CLYBL: variants seen among roughly 807,000 people sequenced by gnomAD.
CLYBL encodes citramalyl-CoA lyase, mitochondrial.
A neutral mutation model predicts 38.9 loss-of-function variants in CLYBL; 31 were observed. The ratio of observed to expected loss-of-function variants is 0.80; its 90% CI spans 0.60 to 1.08. CLYBL has a LOEUF of 1.08. CLYBL is among the 50% of genes least tolerant of loss of function. The pLI, the probability that CLYBL is intolerant of heterozygous loss-of-function variation, is 0.00. For missense variants in CLYBL, 434 were observed against 411.6 expected (o/e 1.05, Z -0.47); for synonymous variants, 171 against 158.6 (o/e 1.08, Z -0.59).
chr13:99,771,410 T>C lies in CLYBL; in HGVS notation c.63-1414T>C, dbSNP rs554724724. The stretch of plus-strand genomic sequence containing the variant: ...TCTCTTATGGGCAGGGTTGGCTTCA[T>C]GGACATGTAATTTGTGCTCTTAGAC... On this transcript the variant is annotated intron_variant, in intron 1 of 8. Transcript: ENST00000339105. Among the ~76,000 whole-genome samples, 3 of 152,196 alleles carry C rather than the reference T, an allele frequency of 2.0e-5. No homozygotes were observed. In the East Asian group the frequency reaches 5.8e-4, roughly 29 times the overall value.
chr13:99,631,604 AT>A (rs1161251016), intron 1 of CLYBL, among the ~76,000 whole-genome samples: 68 of 146,396 alleles, frequency 4.6e-4, no homozygotes, highest in Admixed American at 6.2e-4. Context: ...TTCACACCAA[AT>A]TTTTTTTTTT....
At chr13:99,907,074 G>C (rs147987254) in intron 9 of CLYBL, among the ~76,000 whole-genome samples, 17 of 152,290 alleles carry the variant, frequency 1.1e-4, no homozygotes, top group African/African-American at 4.1e-4. Context: ...ACATTTACTT[G>C]ATGGAATATT....
chr13:99,851,925 C>T (rs1010625461), intron 2 of CLYBL, among the ~76,000 whole-genome samples: 2 of 152,132 alleles, frequency 1.3e-5, no homozygotes, highest in Non-Finnish European at 2.9e-5. Context: ...ATAATAGCCA[C>T]AAAGTGGAAA....
At chr13:99,686,673 A>G (rs921023356) in intron 1 of CLYBL, among the ~76,000 whole-genome samples, 1 of 152,222 alleles carries the variant, frequency 6.6e-6, no homozygotes, top group Non-Finnish European at 1.5e-5. Flanking sequence ...TTCTGTAAGC[A>G]TTACTTTCTC....
intron 1 of CLYBL, among the ~76,000 whole-genome samples, chr13:99,632,315 A>G (rs998220508): frequency 6.6e-6 from 1 of 152,252 alleles, no homozygotes; most frequent in African/African-American, 2.4e-5. Context: ...ACTGCCTACC[A>G]TAGGGAAGAC....
At chr13:99,898,174 C>T (rs1350610461), downstream of CLYBL, among the ~76,000 whole-genome samples, 1 of 152,130 alleles carries the variant, frequency 6.6e-6, no homozygotes, top group East Asian at 1.9e-4. Context: ...CTTTGGTTTA[C>T]ATAACGCCAA....
chr13:99,838,852 T>G (rs74716953), intron 2 of CLYBL, among the ~76,000 whole-genome samples: 3 of 152,086 alleles, frequency 2.0e-5, no homozygotes, highest in Non-Finnish European at 1.5e-5. Context: ...TGTTAGCCAG[T>G]ATGGTCTCAA....
At chr13:99,895,475 G>T (rs1052888883), downstream of CLYBL, 12 of 152,214 alleles carry the variant, frequency 7.9e-5, no homozygotes, top group African/African-American at 2.7e-4. Context: ...GCGGGGAGGC[G>T]GGAGGCAGGA....
At chr13:99,606,794 G>A (rs1449115685) in intron 1 of CLYBL, 37 bp downstream of exon 1, 2 of 1,361,288 alleles carry the variant, frequency 1.5e-6, no homozygotes, top group East Asian at 3.1e-5. Flanking sequence ...TTCCCGGCCC[G>A]GCTCGCCGCG....
At chr13:99,676,065 A>G (rs1249230527) in intron 1 of CLYBL, among the ~76,000 whole-genome samples, 2 of 152,034 alleles carry the variant, frequency 1.3e-5, no homozygotes, top group Non-Finnish European at 2.9e-5. Flanking sequence ...TATGTTGGCC[A>G]TGCTGGTCTC....
intron 1 of CLYBL, among the ~76,000 whole-genome samples, chr13:99,759,208 C>T (rs1049743142): frequency 6.6e-6 from 1 of 152,162 alleles, no homozygotes; most frequent in Non-Finnish European, 1.5e-5. Context: ...AACAAAATAA[C>T]AAAATAGAGG....
At chr13:99,785,404 G>T (rs557151820) in intron 2 of CLYBL, among the ~76,000 whole-genome samples, 22 of 150,662 alleles carry the variant, frequency 1.5e-4, no homozygotes, top group African/African-American at 5.1e-4. Context: ...GTAGAGATGG[G>T]GGTCTCTCTA....
At chr13:99,832,070 C>CGAGGAT (rs1189685223) in intron 2 of CLYBL, among the ~76,000 whole-genome samples, 1 of 152,158 alleles carries the variant, frequency 6.6e-6, no homozygotes, top group Admixed American at 6.5e-5. Flanking sequence ...AGCTTCCAGT[C>CGAGGAT]GAGGATGAAT....
intron 2 of CLYBL, among the ~76,000 whole-genome samples, chr13:99,841,397 T>A (rs1257816640): frequency 1.3e-5 from 2 of 151,872 alleles, no homozygotes; most frequent in Non-Finnish European, 2.9e-5. Context: ...ATACATACTT[T>A]TTTTTTTTAT....
intron 1 of CLYBL, among the ~76,000 whole-genome samples, chr13:99,669,388 G>A (rs2047532090): frequency 6.6e-6 from 1 of 152,090 alleles, no homozygotes; most frequent in South Asian, 2.1e-4. Flanking sequence ...TCCTTCCAGA[G>A]CTTTCTCTAG....
intron 1 of CLYBL, among the ~76,000 whole-genome samples, chr13:99,722,565 A>ATGAATGAATGAGTGAG (rs773847754): frequency 7.4e-6 from 1 of 135,428 alleles, no homozygotes; most frequent in Non-Finnish European, 1.7e-5. Context: ...CAGATGCTGG[A>ATGAATGAATGAGTGAG]TGAATGAATG....
chr13:99,641,965 T>C (rs1488100782), intron 1 of CLYBL, among the ~76,000 whole-genome samples: 3 of 152,248 alleles, frequency 2.0e-5, no homozygotes, highest in African/African-American at 7.2e-5. Flanking sequence ...AATAATGTTC[T>C]GCAGTCTCTT....
intron 2 of CLYBL, among the ~76,000 whole-genome samples, chr13:99,835,971 C>T (rs906883968): frequency 6.6e-6 from 1 of 152,168 alleles, no homozygotes; most frequent in African/African-American, 2.4e-5. Context: ...AACCAGATGA[C>T]AACGACAAGG....
At chr13:99,614,812 A>G (rs563189789) in intron 1 of CLYBL, among the ~76,000 whole-genome samples, 7 of 152,294 alleles carry the variant, frequency 4.6e-5, no homozygotes, top group South Asian at 4.1e-4. Context: ...TCTTTACTGC[A>G]GAGATCCCTC....
Sources: gnomAD v4.1 joint callset for allele counts (sites outside exome capture counted in the v4.1 genomes callset) on GRCh38, gnomAD v4.1.1 for gene constraint, MANE v1.5 for transcripts, NCBI Gene and HGNC (gene_info 2026-07-23, HGNC 2026-07-21) for gene names.